The following PSMA2 variants were observed in gnomAD, a reference collection of about 807,000 sequenced individuals.
The protein encoded by PSMA2 is proteasome 20S subunit alpha 2, also known as proteasome subunit alpha type-2.
In PSMA2, 2 loss-of-function variants were observed where a neutral mutation model predicts 35.9. The observed-to-expected ratio is 0.06, with a 90% CI of 0.02 to 0.18. The LOEUF (loss-of-function observed/expected upper bound fraction) is 0.18, where lower values mean the gene tolerates loss of function less well. PSMA2 is among the 10% of genes least tolerant of loss of function. PSMA2 has a pLI of 1.00. For missense variants in PSMA2, 126 were observed against 278.8 expected (o/e 0.45, Z 3.90); for synonymous variants, 97 against 98.2 (o/e 0.99, Z 0.07).
At chr7:42,921,731 G>T (rs942148560) in intron 6 of PSMA2, 127 bp downstream of exon 6, 5 of 607,462 alleles carry the variant, frequency 8.2e-6, no homozygotes, top group Non-Finnish European at 1.3e-5. Flanking sequence ...TGGTTTATCT[G>T]TAACTAGATT....
At position 42,932,174 on chromosome 7, in the gene PSMA2, C is replaced by G; in HGVS notation, c.-16G>C. 3 of 1,614,108 alleles carry G rather than the reference C, an allele frequency of 1.9e-6. No homozygotes were observed. The highest frequency in any genetic ancestry group is 2.5e-6 in the Non-Finnish European group (3 of 1,180,050). On this transcript the variant is annotated 5_prime_UTR_variant, in exon 1 of 8. Coordinates refer to ENST00000223321, the MANE Select transcript of PSMA2 (RefSeq NM_002787.5). ...GCTCCGCCATCTTTACCCGAAGAGC[C>G]AAAGCACAGCCGCACACATGCGCAC... is the stretch of plus-strand genomic sequence containing the variant.
intron 1 of PSMA2, chr7:42,931,103 C>CCTA (rs1002023865): frequency 2.3e-6 from 1 of 441,898 alleles, no homozygotes; most frequent in African/African-American, 2.0e-5. Context: ...CACCGATGAC[C>CCTA]TTAGACAAGT....
At chr7:42,929,337 T>G (rs974070685) in intron 1 of PSMA2, among the ~76,000 whole-genome samples, 2 of 152,230 alleles carry the variant, frequency 1.3e-5, no homozygotes, top group South Asian at 4.1e-4. Flanking sequence ...ATCATAACTT[T>G]CTGGGTCCAT....
intron 4 of PSMA2, among the ~76,000 whole-genome samples, chr7:42,924,191 CAAA>C (rs5883851): frequency 2.9e-5 from 4 of 137,374 alleles, no homozygotes; most frequent in African/African-American, 2.7e-5. Context: ...CAAAAAAATA[CAAA>C]AAAAAAAAAA....
chr7:42,921,793 T>G, intron 6 of PSMA2, 65 bp downstream of exon 6: 1 of 1,331,440 alleles, frequency 7.5e-7, no homozygotes, highest in Non-Finnish European at 1.1e-6. Context: ...ATTAATTTAC[T>G]TAAAGAGCAC....
At chr7:42,930,139 T>C (rs1477266492) in intron 1 of PSMA2, among the ~76,000 whole-genome samples, 1 of 152,144 alleles carries the variant, frequency 6.6e-6, no homozygotes. Flanking sequence ...TTAGTTTACT[T>C]CTGATTATGA....
At chr7:42,917,752 A>T in intron 7 of PSMA2, 26 bp downstream of exon 7, 1 of 1,611,208 alleles carries the variant, frequency 6.2e-7, no homozygotes, top group Non-Finnish European at 8.5e-7. Context: ...ATCATTATAA[A>T]TCCAGTTGTT....
At chr7:42,917,878 C>G (rs1323198217) in intron 6 of PSMA2, 43 bp from the exon 7 acceptor site, 1 of 1,311,322 alleles carries the variant, frequency 7.6e-7, no homozygotes, top group African/African-American at 1.5e-5. Flanking sequence ...TGTTTATATT[C>G]TTTATAACTA....
intron 1 of PSMA2, among the ~76,000 whole-genome samples, chr7:42,930,618 TTA>T (rs1318226079): frequency 1.3e-5 from 2 of 152,242 alleles, no homozygotes; most frequent in East Asian, 3.9e-4. Flanking sequence ...TACGGTTGTT[TTA>T]TGTTTTCAGC....
intron 3 of PSMA2, among the ~76,000 whole-genome samples, 169 bp downstream of exon 3, chr7:42,926,367 T>G (rs1231368608): frequency 2.6e-5 from 4 of 152,272 alleles, no homozygotes; most frequent in Middle Eastern, 3.4e-3. Context: ...AAGTAACCTA[T>G]ACAGGCAAAC....
intron 3 of PSMA2, among the ~76,000 whole-genome samples, chr7:42,925,900 G>A (rs556262953): frequency 6.6e-6 from 1 of 152,176 alleles, no homozygotes; most frequent in Non-Finnish European, 1.5e-5. Context: ...ACAAAATCAT[G>A]AGCAATAAAG....
intron 4 of PSMA2, 39 bp from the exon 5 acceptor site, chr7:42,923,445 G>A: frequency 1.3e-6 from 2 of 1,493,050 alleles, no homozygotes; most frequent in Non-Finnish European, 1.9e-6. Context: ...GCATTTTCAT[G>A]GTGTTAAAGT....
chr7:42,921,610 C>A (rs549102385), intron 6 of PSMA2: 3 of 325,454 alleles, frequency 9.2e-6, no homozygotes, highest in South Asian at 1.5e-4. Flanking sequence ...AGTAAAAAAA[C>A]CAAAAGCATT....
Position 42,917,473 on chromosome 7 carries a change from G to T in PSMA2, c.*101C>A. ...TTTAAAAACAGTCGATTTAAACCATGTAGAAATAAGTATGCAAAAAGTCTG... is the reference window on the plus strand; with the variant it reads ...TTTAAAAACAGTCGATTTAAACCATTTAGAAATAAGTATGCAAAAAGTCTG... On this transcript the variant is annotated 3_prime_UTR_variant, in exon 8 of 8. Transcript: ENST00000223321. 1 of 856,702 alleles carries T rather than the reference G, an allele frequency of 1.2e-6. No individual in the cohort carries two copies. Among genetic ancestry groups the T allele is most frequent in the Non-Finnish European group, 1.9e-6 (1 of 531,286 alleles). 53.1% of individuals were successfully genotyped at this position (856,702 alleles called of 1,614,324 possible). A position where few individuals can be genotyped will look rare whatever the true frequency, so the allele number is the denominator to read the frequency against.
At chr7:42,923,442 C>T (rs1345516856) in intron 4 of PSMA2, 36 bp from the exon 5 acceptor site, 7 of 1,531,530 alleles carry the variant, frequency 4.6e-6, no homozygotes, top group African/African-American at 4.1e-5. Flanking sequence ...TTGGCATTTT[C>T]ATGGTGTTAA....
chr7:42,921,776 C>A, intron 6 of PSMA2, 82 bp downstream of exon 6: 2 of 1,142,390 alleles, frequency 1.8e-6, no homozygotes, highest in South Asian at 1.4e-5. Flanking sequence ...TTCTTTAGTC[C>A]CATGATATTA....
chr7:42,920,994 C>T (rs1477113812), intron 6 of PSMA2: 1 of 151,956 alleles, frequency 6.6e-6, no homozygotes, highest in African/African-American at 2.4e-5. Flanking sequence ...TTACCAGAGG[C>T]TGGGAAGGGA....
intron 6 of PSMA2, chr7:42,919,369 T>C (rs1583605026): frequency 1.7e-6 from 1 of 573,110 alleles, no homozygotes; most frequent in Admixed American, 1.9e-5. Context: ...ATGGATTTCA[T>C]GCAGGATAGT....
intron 1 of PSMA2, chr7:42,931,135 G>A: frequency 2.2e-6 from 1 of 452,650 alleles, no homozygotes; most frequent in Non-Finnish European, 4.4e-6. Flanking sequence ...TACAAGCTGC[G>A]GTTAGTTCAT....
Sources: gnomAD v4.1 joint callset for allele counts (sites outside exome capture counted in the v4.1 genomes callset) on GRCh38, gnomAD v4.1.1 for gene constraint, MANE v1.5 for transcripts, NCBI Gene and HGNC (gene_info 2026-07-23, HGNC 2026-07-21) for gene names.